Variants in NUP214 observed in about 807,000 individuals in gnomAD.
The protein encoded by NUP214 is nucleoporin 214.
In NUP214, 79 loss-of-function variants were observed where a neutral mutation model predicts 196.2. The ratio of observed to expected loss-of-function variants is 0.40; its 90% CI spans 0.34 to 0.49. The LOEUF (loss-of-function observed/expected upper bound fraction) is 0.49. NUP214 is among the 20% of genes least tolerant of loss of function. NUP214 has a pLI of 0.58. For synonymous variants in NUP214, 1,020 were observed against 990.5 expected (o/e 1.03, Z -0.56); for missense variants, 2,468 against 2,539.0 (o/e 0.97, Z 0.60).
At chr9:131,203,382 C>G (rs561805105) in intron 30 of NUP214, among the ~76,000 whole-genome samples, 4 of 152,108 alleles carry the variant, frequency 2.6e-5, no homozygotes, top group African/African-American at 7.2e-5. Flanking sequence ...CATCAGACAC[C>G]GGCTGCATTT....
At chr9:131,231,900 AAAC>A (rs1834888441) in intron 34 of NUP214, among the ~76,000 whole-genome samples, 2 of 151,444 alleles carry the variant, frequency 1.3e-5, no homozygotes, top group African/African-American at 2.4e-5. Context: ...ATGGATGGAA[AAAC>A]AACAACAGCA....
chr9:131,214,426 G>A (rs966182075), intron 30 of NUP214, among the ~76,000 whole-genome samples: 6 of 152,150 alleles, frequency 3.9e-5, no homozygotes, highest in Non-Finnish European at 7.3e-5. Flanking sequence ...CCATAGCACC[G>A]CTCTGCTCTT....
chr9:131,205,358 A>G (rs1834049172), intron 30 of NUP214, among the ~76,000 whole-genome samples: 1 of 152,252 alleles, frequency 6.6e-6, no homozygotes, highest in Non-Finnish European at 1.5e-5. Context: ...TTGGTGAGGA[A>G]GAAGAGCAAC....
At chr9:131,162,899 C>G in intron 18 of NUP214, 92 bp from the exon 19 acceptor site, 2 of 1,186,052 alleles carry the variant, frequency 1.7e-6, no homozygotes, top group Non-Finnish European at 2.5e-6. Flanking sequence ...ATCATTTTCA[C>G]TGTTACCATT....
chr9:131,198,305 C>T lies in NUP214; in HGVS notation c.4811C>T (p.Ala1604Val). The change falls in exon 29 of 36, where the codon GCA becomes GTA. Residue 1604 changes from alanine to valine, a missense_variant. By Grantham distance (64) the Ala-to-Val change is moderately conservative. Around this residue, in one of 5 missense-constraint regions of NUP214, gnomAD observed 1,801 missense variants for 1,779.4 expected, o/e 1.01. Transcript: ENST00000359428. ...TAVTAAAISS[A>V]GPVAVETSST... ...GTCACAGCAGCTGCTATCTCAAGTG[C>T]AGGCCCTGTGGCCGTCGAAACATCA... 1 of 1,614,236 alleles carries T rather than the reference C, an allele frequency of 6.2e-7. No individual in the cohort carries two copies. The highest frequency in any genetic ancestry group is 8.5e-7 in the Non-Finnish European group (1 of 1,180,046).
chr9:131,127,513 C>T lies in NUP214; in HGVS notation c.46-11C>T. The T allele has an allele frequency of 6.3e-7, 1 of 1,592,274 alleles. No homozygotes were observed. The highest frequency in any genetic ancestry group is 1.4e-5 in the African/African-American group (1 of 73,960). Reference sequence around the variant, plus strand: ...TTATTGAATTGATCTCGTTTTGATTCTTCACAACAGGATTTTCAGTTTAGA... The same window carrying T: ...TTATTGAATTGATCTCGTTTTGATTTTTCACAACAGGATTTTCAGTTTAGA... On this transcript the variant is annotated splice_polypyrimidine_tract_variant and intron_variant, in intron 1 of 35. Coordinates refer to ENST00000359428, the MANE Select transcript of NUP214 (RefSeq NM_005085.4).
In NUP214 at chr9:131,225,077, A is replaced by G. The variant is rs1834684862; in HGVS notation, c.5902+2147A>G. Among the ~76,000 whole-genome samples the G allele has an allele frequency of 2.0e-5, 3 of 152,226 alleles. No homozygotes were observed. In the South Asian group the frequency reaches 6.2e-4, roughly 32 times the overall value. On this transcript the variant is annotated intron_variant, in intron 32 of 35. Transcript: ENST00000359428. ...CAAAAGTTCAAGACCAACCTGGGCAACATAGTGAGACCCCATCTCTAAAAG... is the reference window on the plus strand; with the variant it reads ...CAAAAGTTCAAGACCAACCTGGGCAGCATAGTGAGACCCCATCTCTAAAAG...
chr9:131,175,711 C>A, intron 23 of NUP214, 90 bp downstream of exon 23: 2 of 1,481,278 alleles, frequency 1.4e-6, no homozygotes, highest in Non-Finnish European at 1.8e-6. Context: ...AAACAGTGGG[C>A]GCTCTTTGGT....
At chr9:131,129,546 AGTGAAAGTGGATAGCTTTTTGTGTTTTG>A in intron 4 of NUP214, 69 bp downstream of exon 4, 1 of 1,456,718 alleles carries the variant, frequency 6.9e-7, no homozygotes, top group South Asian at 1.2e-5. Flanking sequence ...GATTTCTAGA[AGTGAAAGTGGATAGCTTTTTGTGTTTTG>A]GTTTTTTTTT....
chr9:131,206,148 C>CTTTTTTTTTTCTTTTTTTT (rs1834077441), intron 30 of NUP214, among the ~76,000 whole-genome samples: 1 of 76,388 alleles, frequency 1.3e-5, no homozygotes, highest in Admixed American at 1.6e-4. Flanking sequence ...TTTCTTTTTT[C>CTTTTTTTTTTCTTTTTTTT]TTTTTTTTTT....
At chr9:131,153,828 G>T (rs1832346232) in intron 17 of NUP214, among the ~76,000 whole-genome samples, 2 of 152,228 alleles carry the variant, frequency 1.3e-5, no homozygotes, top group African/African-American at 4.8e-5. Context: ...TACAGTTCAT[G>T]CAGGTTTACA....
In NUP214 at chr9:131,164,141, C is replaced by T. The variant is rs1383341692; in HGVS notation, c.2890C>T (p.Pro964Ser). 2 of 1,613,824 alleles carry T rather than the reference C, an allele frequency of 1.2e-6. No homozygotes were observed. The highest frequency in any genetic ancestry group is 1.1e-5 in the South Asian group (1 of 91,076). ...GACCCCACCAGTGAGATCCACTGCT[C>T]CAGGTAAAGAGAACCAGTAACTGGG... ...RKTPPVRSTA[P>S]ASLSRSAFLS... Residue 964 changes from proline (P) to serine (S), a missense_variant, in exon 21 of 36, where the codon CCA becomes TCA. Transcript: ENST00000359428.
Position 131,150,618 on chromosome 9 carries a change from T to G in NUP214, c.2130T>G (p.Ile710Met). Residue 710 changes from isoleucine (I) to methionine (M), a missense_variant and splice_region_variant, in exon 16 of 36, where the codon ATT (isoleucine) becomes ATG (methionine). This residue lies in a region of NUP214 where 1,801 missense variants were observed against 1,779.4 expected (regional missense o/e 1.01). Coordinates refer to ENST00000359428, the MANE Select transcript of NUP214 (RefSeq NM_005085.4). ...DPVMAGIGEE[I>M]AHFQKELEEL... is the part of the protein sequence containing the mutation. The stretch of plus-strand genomic sequence containing the variant: ...TTCCTCACTTGTGGCTTCTACAGAT[T>G]GCACACTTTCAGAAGGAGTTGGAAG... 1 of 1,611,116 alleles carries G rather than the reference T, an allele frequency of 6.2e-7. No homozygotes were observed. The highest frequency in any genetic ancestry group is 8.5e-7 in the Non-Finnish European group (1 of 1,179,150).
intron 24 of NUP214, among the ~76,000 whole-genome samples, chr9:131,186,762 C>T (rs902299706): frequency 4.6e-5 from 7 of 152,214 alleles, no homozygotes; most frequent in Non-Finnish European, 8.8e-5. Flanking sequence ...AGCAAAGATG[C>T]AGGTTGGGAA....
chr9:131,192,199 T>TTA lies in NUP214; in HGVS notation c.3575-9_3575-8insTA. Reference sequence around the variant, plus strand: ...TTTTTTTTTTTTTTTTTTTTTTCCATAATTTCAGGGACAGCCAAGATAGAA... The same window carrying TTA: ...TTTTTTTTTTTTTTTTTTTTTTCCATTAAATTTCAGGGACAGCCAAGATAGAA... On this transcript the variant is annotated splice_polypyrimidine_tract_variant and intron_variant, in intron 26 of 35. Coordinates refer to ENST00000359428, the MANE Select transcript of NUP214 (RefSeq NM_005085.4). 5 of 461,898 alleles carry TTA rather than the reference T, an allele frequency of 1.1e-5. No homozygotes were observed. The highest frequency in any genetic ancestry group is 1.9e-5 in the Non-Finnish European group (5 of 258,920). The allele number at this position is 461,898 out of a possible 1,614,324, so 28.6% of individuals were successfully genotyped here. A position where few individuals can be genotyped will look rare whatever the true frequency, so the allele number is the denominator to read the frequency against.
chr9:131,128,920 T>C (rs1352307729), intron 3 of NUP214: 2 of 330,110 alleles, frequency 6.1e-6, no homozygotes, highest in African/African-American at 4.3e-5. Flanking sequence ...TTATCTTCAT[T>C]TTATAGGTAG....
At chr9:131,212,466 CAT>C (rs1051919149) in intron 30 of NUP214, among the ~76,000 whole-genome samples, 7 of 152,186 alleles carry the variant, frequency 4.6e-5, no homozygotes, top group Non-Finnish European at 1.0e-4. Flanking sequence ...AACCTGCCAA[CAT>C]GTGATGTCTC....
intron 17 of NUP214, among the ~76,000 whole-genome samples, chr9:131,154,233 A>G (rs1008259514): frequency 6.6e-6 from 1 of 152,034 alleles, no homozygotes; most frequent in Non-Finnish European, 1.5e-5. Context: ...TTTAATTTTT[A>G]AAAATTTCAA....
At chr9:131,162,043 A>T (rs1486211426) in intron 18 of NUP214, among the ~76,000 whole-genome samples, 2 of 152,142 alleles carry the variant, frequency 1.3e-5, no homozygotes, top group Non-Finnish European at 2.9e-5. Context: ...AGCCAGCATT[A>T]GTATATTTTA....
Sources: gnomAD v4.1 joint callset for allele counts (sites outside exome capture counted in the v4.1 genomes callset) on GRCh38, gnomAD v4.1.1 for gene constraint, gnomAD v4.1.1 regional missense constraint, MANE v1.5 for transcripts, NCBI Gene and HGNC (gene_info 2026-07-23, HGNC 2026-07-21) for gene names.